PPP2R2B: variants seen among roughly 807,000 people sequenced by gnomAD.
PPP2R2B encodes serine/threonine-protein phosphatase 2A 55 kDa regulatory subunit B beta isoform.
A neutral mutation model predicts 46.0 loss-of-function variants in PPP2R2B; 5 were observed. The observed-to-expected ratio is 0.11, with a 90% CI of 0.06 to 0.23. PPP2R2B has a LOEUF of 0.23. Among genes scored for constraint, PPP2R2B ranks in the 10% least tolerant of loss-of-function variants. PPP2R2B has a pLI of 1.00. For missense variants in PPP2R2B, 367 were observed against 575.0 expected, an observed-to-expected ratio of 0.64 and a Z score of 3.70; for synonymous variants, 215 against 206.7, an observed-to-expected ratio of 1.04 and a Z score of -0.34.
At chr5:146,717,442 C>A (rs1780557796) in intron 2 of PPP2R2B, among the ~76,000 whole-genome samples, 3 of 152,172 alleles carry the variant, frequency 2.0e-5, no homozygotes, top group Admixed American at 2.0e-4. Context: ...CACACCATAG[C>A]AGGTTTCTAG....
chr5:146,598,717 C>G (rs1297497317), intron 8 of PPP2R2B, among the ~76,000 whole-genome samples: 1 of 152,150 alleles, frequency 6.6e-6, no homozygotes, highest in Non-Finnish European at 1.5e-5. Context: ...AGCCTTATTG[C>G]TTTTACCTTG....
intron 2 of PPP2R2B, among the ~76,000 whole-genome samples, chr5:146,733,794 A>G (rs1752372469): frequency 6.6e-6 from 1 of 152,262 alleles, no homozygotes; most frequent in East Asian, 1.9e-4. Flanking sequence ...GCTTACCAGG[A>G]CCCTACTCAA....
chr5:146,868,593 A>G (rs1761442935), intron 2 of PPP2R2B, among the ~76,000 whole-genome samples: 1 of 152,200 alleles, frequency 6.6e-6, no homozygotes, highest in Admixed American at 6.5e-5. Flanking sequence ...GTGACAAATT[A>G]TGGTAGCAGG....
At chr5:146,779,734 G>A (rs1755395972) in intron 2 of PPP2R2B, among the ~76,000 whole-genome samples, 1 of 152,140 alleles carries the variant, frequency 6.6e-6, no homozygotes, top group Non-Finnish European at 1.5e-5. Context: ...AGGTTGCACT[G>A]TATAATTAGC....
chr5:146,780,956 A>G (rs1431559553), intron 2 of PPP2R2B, among the ~76,000 whole-genome samples: 1 of 151,816 alleles, frequency 6.6e-6, no homozygotes, highest in Admixed American at 6.6e-5. Flanking sequence ...TTGTAAAGAT[A>G]CAGTTTTCAG....
intron 8 of PPP2R2B, among the ~76,000 whole-genome samples, chr5:146,597,351 T>TG (rs1771274766): frequency 1.3e-5 from 2 of 152,232 alleles, no homozygotes; most frequent in South Asian, 4.1e-4. Flanking sequence ...CTATCCCTGT[T>TG]GCTGTTGTTA....
At chr5:146,913,559 T>TA (rs1430949153) in intron 1 of PPP2R2B, among the ~76,000 whole-genome samples, 1 of 151,922 alleles carries the variant, frequency 6.6e-6, no homozygotes, top group Non-Finnish European at 1.5e-5. Flanking sequence ...AATGTTTTTT[T>TA]TTTCAAACAT....
chr5:146,780,420 C>G (rs1336725629), intron 2 of PPP2R2B, among the ~76,000 whole-genome samples: 1 of 152,012 alleles, frequency 6.6e-6, no homozygotes. Flanking sequence ...CCATCCAGGC[C>G]CTGCGGTACG....
Position 146,966,578 on chromosome 5 carries a change from T to C in PPP2R2B, c.79+89087A>G, listed in dbSNP as rs189357229. Among the ~76,000 whole-genome samples the C allele has an allele frequency of 2.0e-5, 3 of 152,320 alleles. No individual in the cohort carries two copies. In the East Asian group the frequency reaches 5.8e-4, roughly 29 times the overall value. ...TTTATTTTATGCAAAAGCATATCGT[T>C]GTCTGAAAACATTACTTTCTTTCTG... On this transcript the variant is annotated intron_variant, in intron 1 of 8. Transcript: ENST00000336640.
At chr5:146,932,506 G>T (rs944452822) in intron 1 of PPP2R2B, among the ~76,000 whole-genome samples, 2 of 152,032 alleles carry the variant, frequency 1.3e-5, no homozygotes, top group South Asian at 4.1e-4. Context: ...ACTTTTTCTT[G>T]TCTGCTGCCA....
At chr5:147,057,950 A>G (rs1757142254), upstream of PPP2R2B, among the ~76,000 whole-genome samples, 1 of 152,234 alleles carries the variant, frequency 6.6e-6, no homozygotes, top group Non-Finnish European at 1.5e-5. Context: ...TGTCTAGCAC[A>G]TTGTAAGTGC....
At chr5:146,975,964 G>A (rs942351085) in intron 1 of PPP2R2B, among the ~76,000 whole-genome samples, 17 of 151,774 alleles carry the variant, frequency 1.1e-4, no homozygotes, top group Admixed American at 3.9e-4. Flanking sequence ...ATGCATGGAA[G>A]TTTTTAATTT....
At chr5:147,075,263 G>A (rs540749205) in intron 2 of PPP2R2B, among the ~76,000 whole-genome samples, 2 of 152,146 alleles carry the variant, frequency 1.3e-5, no homozygotes, top group African/African-American at 2.4e-5. Context: ...CATTGCACAC[G>A]GTAAATCAGA....
chr5:146,911,992 C>A (rs974021750), intron 1 of PPP2R2B, among the ~76,000 whole-genome samples: 2 of 152,164 alleles, frequency 1.3e-5, no homozygotes, highest in Non-Finnish European at 1.5e-5. Context: ...AATCCCAGCA[C>A]TTTGGGAGGC....
chr5:146,617,699 T>TC (rs1030224542), intron 7 of PPP2R2B, among the ~76,000 whole-genome samples: 3 of 112,376 alleles, frequency 2.7e-5, no homozygotes, highest in East Asian at 3.4e-4. Flanking sequence ...TCTCTCTCTC[T>TC]TTTTTTTTTT....
At chr5:146,778,273 G>T (rs996729741) in intron 2 of PPP2R2B, among the ~76,000 whole-genome samples, 12 of 152,124 alleles carry the variant, frequency 7.9e-5, no homozygotes, top group Non-Finnish European at 1.8e-4. Flanking sequence ...CCTTAAAATG[G>T]CTTTTAAAAA....
chr5:146,698,822 G>A (rs1028246066), intron 3 of PPP2R2B, among the ~76,000 whole-genome samples: 4 of 151,850 alleles, frequency 2.6e-5, no homozygotes, highest in African/African-American at 9.7e-5. Flanking sequence ...CATCATTAAG[G>A]AATGATGAGA....
chr5:146,695,972 A>C (rs1212077225), intron 4 of PPP2R2B, among the ~76,000 whole-genome samples: 1 of 152,214 alleles, frequency 6.6e-6, no homozygotes, highest in Non-Finnish European at 1.5e-5. Context: ...CCAAATGGGA[A>C]GATAATATCC....
At chr5:146,685,725 A>G (rs1405667837) in intron 5 of PPP2R2B, among the ~76,000 whole-genome samples, 3 of 152,202 alleles carry the variant, frequency 2.0e-5, no homozygotes, top group Non-Finnish European at 4.4e-5. Context: ...GAAAAAGTTT[A>G]GTTCTGGAGA....
Sources: gnomAD v4.1 joint callset for allele counts (sites outside exome capture counted in the v4.1 genomes callset) on GRCh38, gnomAD v4.1.1 for gene constraint, MANE v1.5 for transcripts, NCBI Gene and HGNC (gene_info 2026-07-23, HGNC 2026-07-21) for gene names.